GPD2: variants seen among roughly 807,000 people sequenced by gnomAD.
GPD2 encodes the protein glycerol-3-phosphate dehydrogenase, mitochondrial.
GPD2 carries 54 observed loss-of-function variants against 82.4 expected under a neutral mutation model. That is an observed-to-expected ratio of 0.66 (90% CI 0.53 to 0.82). The LOEUF (loss-of-function observed/expected upper bound fraction) is 0.82, where lower values mean the gene tolerates loss of function less well. GPD2 is among the 40% of genes least tolerant of loss of function. The pLI, the probability that GPD2 is intolerant of heterozygous loss-of-function variation, is 0.00. For missense variants in GPD2, 748 were observed against 896.2 expected (o/e 0.83, Z 2.11); for synonymous variants, 288 against 306.1 (o/e 0.94, Z 0.62).
chr2:156,436,726 AAATAGTAAAGTGGCAG>A (rs1267209635), intron 1 of GPD2: 2 of 152,100 alleles, frequency 1.3e-5, no homozygotes, highest in East Asian at 3.9e-4. Flanking sequence ...GGCATTTGTA[AAATAGTAAAGTGGCAG>A]GACTTTTGGG....
intron 8 of GPD2, among the ~76,000 whole-genome samples, chr2:156,552,363 G>A (rs1317939649): frequency 6.6e-6 from 1 of 152,136 alleles, no homozygotes; most frequent in African/African-American, 2.4e-5. Context: ...ATAAATATAT[G>A]AAAATGTCCC....
chr2:156,451,043 A>G (rs1284445067), intron 1 of GPD2, among the ~76,000 whole-genome samples: 1 of 143,090 alleles, frequency 7.0e-6, no homozygotes, highest in Non-Finnish European at 1.5e-5. Context: ...AACAAAATGA[A>G]AAGTCTCCCA....
Position 156,583,113 on chromosome 2 carries a change from C to A in GPD2, c.*195C>A. On this transcript the variant is annotated 3_prime_UTR_variant, in exon 17 of 17. Coordinates refer to ENST00000438166, the MANE Select transcript of GPD2 (RefSeq NM_000408.5). ...CTGTACTTTATTTGTATTTGCCATT[C>A]AGTCTAGCTTTTAAGTATATTTTTT... The A allele has an allele frequency of 1.6e-6, 1 of 621,346 alleles. No homozygotes were observed. Among genetic ancestry groups the A allele is most frequent in the Non-Finnish European group, 2.8e-6 (1 of 351,162 alleles). 38.5% of individuals were successfully genotyped at this position (621,346 alleles called of 1,614,324 possible).
At chr2:156,502,422 A>AGTTTTGTTTT (rs1015038214) in intron 3 of GPD2, among the ~76,000 whole-genome samples, 53 of 152,044 alleles carry the variant, frequency 3.5e-4, no homozygotes, top group African/African-American at 1.2e-3. Context: ...TTTTATTTCA[A>AGTTTTGTTTT]GTTTTGTTTT....
chr2:156,491,266 A>G (rs1269019114), intron 2 of GPD2, among the ~76,000 whole-genome samples: 1 of 152,232 alleles, frequency 6.6e-6, no homozygotes, highest in East Asian at 1.9e-4. Context: ...ACTTTTCTGT[A>G]AAGAGGCAGA....
chr2:156,530,564 G>A (rs1368018670), intron 6 of GPD2, among the ~76,000 whole-genome samples: 2 of 149,780 alleles, frequency 1.3e-5, no homozygotes, highest in East Asian at 2.0e-4. Flanking sequence ...ATTGGCTGTG[G>A]GTTTGTCATG....
intron 6 of GPD2, among the ~76,000 whole-genome samples, chr2:156,530,108 A>G (rs1308014779): frequency 6.9e-6 from 1 of 143,962 alleles, no homozygotes; most frequent in African/African-American, 2.6e-5. Flanking sequence ...ATCCTCTTTT[A>G]TTTCCTTGAG....
Position 156,513,506 on chromosome 2 carries a change from GTT to G in GPD2, c.661+23_661+24del, listed in dbSNP as rs56102423. On this transcript the variant is annotated intron_variant, in intron 6 of 16. Transcript: ENST00000438166. ...ATTGTCTACTATGACGGTATGTGATGTTTTTTTTTTTTTTCCTCACAAGATAC... is the reference window on the plus strand; with the variant it reads ...ATTGTCTACTATGACGGTATGTGATGTTTTTTTTTTTTCCTCACAAGATAC... 1,443 of 1,374,936 alleles carry G rather than the reference GTT, an allele frequency of 1.0e-3. No individual in the cohort carries two copies. Among genetic ancestry groups the G allele is most frequent in the Non-Finnish European group, 1.2e-3 (1,196 of 997,136 alleles). 85.2% of individuals were successfully genotyped at this position (1,374,936 alleles called of 1,614,324 possible).
intron 3 of GPD2, among the ~76,000 whole-genome samples, chr2:156,502,126 CTGTGTA>C (rs1684606848): frequency 6.9e-6 from 1 of 144,982 alleles, no homozygotes; most frequent in Non-Finnish European, 1.5e-5. Context: ...GTGTGTGTGT[CTGTGTA>C]TGTATGCATG....
the GPD2 span, among the ~76,000 whole-genome samples, chr2:156,424,055 A>G: frequency 1.3e-5 from 2 of 152,222 alleles, no homozygotes; most frequent in African/African-American, 4.8e-5. Context: ...CAGTTTGGTA[A>G]TTAGCTAATA....
At chr2:156,422,598 C>T in the GPD2 span, among the ~76,000 whole-genome samples, 284 of 151,576 alleles carry the variant, frequency 1.9e-3, no homozygotes, top group Middle Eastern at 3.4e-3. Flanking sequence ...GGCATGGTGG[C>T]AGGCACCTGT....
rs76663020 is a variant in GPD2 at position 156,552,765 on chromosome 2, A to G, written c.971+2019A>G. Among the ~76,000 whole-genome samples the G allele has an allele frequency of 3.1e-3, 473 of 152,272 alleles. 1 individual carries two copies. Among genetic ancestry groups the G allele is most frequent in the Middle Eastern group, 0.01 (3 of 294 alleles). On this transcript the variant is annotated intron_variant, in intron 8 of 16. Coordinates refer to ENST00000438166, the MANE Select transcript of GPD2 (RefSeq NM_000408.5). Reference sequence around the variant, plus strand: ...CAAACATTCTGCTCCTTCAGAGTTTAGAGACAAAGAGATTGTTCGCAGAAT... The same window carrying G: ...CAAACATTCTGCTCCTTCAGAGTTTGGAGACAAAGAGATTGTTCGCAGAAT...
intron 3 of GPD2, among the ~76,000 whole-genome samples, chr2:156,504,015 A>G (rs1684688755): frequency 1.3e-5 from 2 of 152,032 alleles, no homozygotes; most frequent in Non-Finnish European, 2.9e-5. Flanking sequence ...CTCCATAATC[A>G]TGTGTGTACT....
At chr2:156,424,636 C>T in the GPD2 span, among the ~76,000 whole-genome samples, 1 of 152,198 alleles carries the variant, frequency 6.6e-6, no homozygotes, top group African/African-American at 2.4e-5. Flanking sequence ...CTCTAGCATC[C>T]AAATGCATTA....
intron 6 of GPD2, among the ~76,000 whole-genome samples, chr2:156,529,788 A>G (rs1685772486): frequency 6.6e-6 from 1 of 151,664 alleles, no homozygotes. Flanking sequence ...GTTCTGTTCC[A>G]TTGATCTATA....
intron 1 of GPD2, among the ~76,000 whole-genome samples, chr2:156,448,517 G>A (rs892641178): frequency 1.3e-5 from 2 of 152,198 alleles, no homozygotes; most frequent in African/African-American, 4.8e-5. Flanking sequence ...AAATAATAAT[G>A]CTTAAATAAA....
At chr2:156,507,786 G>C (rs1472092745) in intron 3 of GPD2, among the ~76,000 whole-genome samples, 2 of 152,194 alleles carry the variant, frequency 1.3e-5, no homozygotes, top group East Asian at 3.8e-4. Context: ...TGTAAGAAGA[G>C]CCCTCTGAGA....
intron 3 of GPD2, among the ~76,000 whole-genome samples, chr2:156,500,227 A>C (rs1046143915): frequency 9.2e-5 from 14 of 152,174 alleles, no homozygotes; most frequent in African/African-American, 3.4e-4. Context: ...ATGATTTATA[A>C]AAAGGATGGG....
chr2:156,535,282 AGAG>A (rs1686022421), intron 6 of GPD2, among the ~76,000 whole-genome samples: 1 of 150,808 alleles, frequency 6.6e-6, no homozygotes, highest in Non-Finnish European at 1.5e-5. Flanking sequence ...GGTGAGAGAG[AGAG>A]AGAGAAAGAG....
Sources: allele counts gnomAD v4.1 joint callset (sites outside exome capture counted in the v4.1 genomes callset), GRCh38; gene constraint gnomAD v4.1.1; transcripts MANE v1.5; gene names NCBI Gene and HGNC (gene_info 2026-07-23, HGNC 2026-07-21).